ATP9B: variants seen among roughly 807,000 people sequenced by gnomAD.
ATP9B encodes the protein probable phospholipid-transporting ATPase IIB.
ATP9B carries 110 observed loss-of-function variants against 146.1 expected under a neutral mutation model. The observed-to-expected ratio is 0.75, with a 90% confidence interval of 0.65 to 0.88. The LOEUF is 0.88. ATP9B is among the 40% of genes least tolerant of loss of function. The pLI is 0.00. For synonymous variants in ATP9B, 604 were observed against 569.7 expected (o/e 1.06, Z -0.86); for missense variants, 1,499 against 1,496.4 (o/e 1.00, Z -0.03).
intron 5 of ATP9B, among the ~76,000 whole-genome samples, chr18:79,135,732 T>G (rs1437451877): frequency 6.6e-6 from 1 of 152,192 alleles, no homozygotes; most frequent in Non-Finnish European, 1.5e-5. Flanking sequence ...TTACAAATGT[T>G]TCTTTCTGCT....
intron 26 of ATP9B, chr18:79,361,946 T>A: frequency 9.6e-6 from 3 of 312,192 alleles, no homozygotes; most frequent in Non-Finnish European, 1.4e-5. Flanking sequence ...GAGAAAGCAG[T>A]GAATCAGTGG....
At chr18:79,260,216 C>A (rs368688760) in intron 12 of ATP9B, among the ~76,000 whole-genome samples, 1 of 152,082 alleles carries the variant, frequency 6.6e-6, no homozygotes, top group African/African-American at 2.4e-5. Flanking sequence ...GCAATCATGG[C>A]GGAAGGGGAA....
chr18:79,351,133 G>A (rs1034209142), intron 25 of ATP9B, among the ~76,000 whole-genome samples: 9 of 152,220 alleles, frequency 5.9e-5, no homozygotes, highest in African/African-American at 2.2e-4. Context: ...AGTTTGAACA[G>A]TGTGTTTCTT....
chr18:79,126,214 T>C (rs1057041601), intron 4 of ATP9B, 53 bp from the exon 5 acceptor site: 7 of 1,419,882 alleles, frequency 4.9e-6, no homozygotes, highest in Non-Finnish European at 6.8e-6. Context: ...CAAATAATTT[T>C]GTCTTTTTTG....
rs755331362 is a variant in ATP9B, at chr18:79,113,405, A to G, written c.558+51A>G. 5 of 1,141,700 alleles carry G rather than the reference A, an allele frequency of 4.4e-6. No homozygotes were observed. In the South Asian group the frequency reaches 7.1e-5, roughly 16 times the overall value. 70.7% of individuals were successfully genotyped at this position (1,141,700 alleles called of 1,614,324 possible). ...TTAAATTATGAAATATTTAGAATAT[A>G]GTTTTAAGAGTTGAGATGGTTAAAA... On this transcript the variant is annotated intron_variant, in intron 4 of 29. Coordinates refer to ENST00000426216, the MANE Select transcript of ATP9B (RefSeq NM_198531.5).
intron 4 of ATP9B, among the ~76,000 whole-genome samples, chr18:79,116,790 G>T (rs1421263010): frequency 2.3e-5 from 2 of 87,060 alleles, no homozygotes; most frequent in African/African-American, 4.5e-5. Context: ...GGGGAGGGGG[G>T]AGGGATAGCA....
At chr18:79,248,861 C>A (rs1435287771) in intron 11 of ATP9B, among the ~76,000 whole-genome samples, 9 of 152,082 alleles carry the variant, frequency 5.9e-5, no homozygotes, top group Admixed American at 5.9e-4. Context: ...TCCTGTTCAC[C>A]CAGGGTGACA....
intron 5 of ATP9B, 47 bp downstream of exon 5, chr18:79,126,422 A>G: frequency 7.8e-7 from 1 of 1,288,342 alleles, no homozygotes; most frequent in Non-Finnish European, 1.1e-6. Context: ...TACTGTAATT[A>G]TCATTTTAGA....
intron 12 of ATP9B, among the ~76,000 whole-genome samples, chr18:79,255,851 C>A (rs977587597): frequency 6.6e-6 from 1 of 152,160 alleles, no homozygotes; most frequent in Non-Finnish European, 1.5e-5. Flanking sequence ...TTCCAACTCC[C>A]AAAATATGTT....
At chr18:79,162,961 A>G (rs2094906557) in intron 7 of ATP9B, among the ~76,000 whole-genome samples, 1 of 152,220 alleles carries the variant, frequency 6.6e-6, no homozygotes, top group Non-Finnish European at 1.5e-5. Flanking sequence ...CTTAATTGTC[A>G]TTAAGCCTGT....
At chr18:79,257,044 A>G (rs920938034) in intron 12 of ATP9B, among the ~76,000 whole-genome samples, 4 of 152,310 alleles carry the variant, frequency 2.6e-5, no homozygotes, top group Non-Finnish European at 5.9e-5. Flanking sequence ...TCACGCCTGT[A>G]ATCCTAGTAC....
Position 79,307,014 on chromosome 18 carries a change from C to T in ATP9B, c.1553C>T (p.Thr518Ile). Residue 518 changes from threonine (T) to isoleucine (I), a missense_variant, in exon 15 of 30, where the codon ACT becomes ATT. Transcript: ENST00000426216. ...CAGTCTCAAGCTGGTGGAAACAATA[C>T]TGGTTCAACTCCACTAAGAAAAGCC... ...QMQSQAGGNN[T>I]GSTPLRKAQS... The T allele has an allele frequency of 6.2e-7, 1 of 1,614,134 alleles. No homozygotes were observed.
chr18:79,121,463 A>G lies in ATP9B; in HGVS notation c.559-4804A>G, dbSNP rs185582948. 4.3e-4 allele frequency among the ~76,000 whole-genome samples: 65 copies of G among 152,318 alleles called. 1 individual carries two copies. The East Asian group carries it at 6.2e-3, about 14-fold the overall frequency. Reference sequence around the variant, plus strand: ...AATGGGAAGATCCAAGTGCTCCTACAGTAAGACTTGCTTACTCCAGTCCTC... The same window carrying G: ...AATGGGAAGATCCAAGTGCTCCTACGGTAAGACTTGCTTACTCCAGTCCTC... On this transcript the variant is annotated intron_variant, in intron 4 of 29. Transcript: ENST00000426216.
intron 12 of ATP9B, among the ~76,000 whole-genome samples, chr18:79,275,935 AACTTAC>A (rs961067695): frequency 6.6e-6 from 1 of 152,242 alleles, no homozygotes; most frequent in African/African-American, 2.4e-5. Flanking sequence ...AATGTTCTTT[AACTTAC>A]ATACAGACTT....
intron 7 of ATP9B, among the ~76,000 whole-genome samples, chr18:79,163,042 A>G (rs2094907775): frequency 6.6e-6 from 1 of 152,228 alleles, no homozygotes; most frequent in African/African-American, 2.4e-5. Context: ...TAAGCAGGCC[A>G]ACTTAGTAAT....
intron 2 of ATP9B, among the ~76,000 whole-genome samples, chr18:79,101,241 T>C (rs953562979): frequency 6.6e-6 from 1 of 152,146 alleles, no homozygotes; most frequent in Non-Finnish European, 1.5e-5. Flanking sequence ...GCCCTGGCCT[T>C]GGAAACCACT....
At chr18:79,323,930 C>T (rs2096730181) in intron 15 of ATP9B, among the ~76,000 whole-genome samples, 1 of 152,204 alleles carries the variant, frequency 6.6e-6, no homozygotes, top group East Asian at 1.9e-4. Flanking sequence ...ACAGTGCTCC[C>T]TTCTCCCACC....
chr18:79,219,348 G>T (rs530215863), intron 11 of ATP9B, among the ~76,000 whole-genome samples: 41 of 152,182 alleles, frequency 2.7e-4, no homozygotes, highest in African/African-American at 7.0e-4. Flanking sequence ...GTGCTGATGA[G>T]AAGTGGACTG....
chr18:79,375,616 G>C, intron 29 of ATP9B, 190 bp downstream of exon 29: 1 of 985,466 alleles, frequency 1.0e-6, no homozygotes, highest in Admixed American at 6.1e-5. Flanking sequence ...TGGCTTGCCT[G>C]TTCAGGGGCT....
Sources: allele counts gnomAD v4.1 joint callset (sites outside exome capture counted in the v4.1 genomes callset), GRCh38; gene constraint gnomAD v4.1.1; transcripts MANE v1.5; gene names NCBI Gene and HGNC (gene_info 2026-07-23, HGNC 2026-07-21).